PCLO: variants seen among roughly 807,000 people sequenced by gnomAD.
The protein encoded by PCLO is protein piccolo.
Under a neutral mutation model 427.5 loss-of-function variants are expected in PCLO, and 82 were observed. That is an observed-to-expected ratio of 0.19 (90% CI 0.16 to 0.23). PCLO has a LOEUF of 0.23. Among genes scored for constraint, PCLO ranks in the 10% least tolerant of loss-of-function variants. PCLO has a pLI of 1.00. For missense variants in PCLO, 6,239 were observed against 6,115.9 expected, an observed-to-expected ratio of 1.02 and a Z score of -0.67; for synonymous variants, 2,357 against 2,155.4, an observed-to-expected ratio of 1.09 and a Z score of -2.59.
intron 3 of PCLO, among the ~76,000 whole-genome samples, chr7:83,097,174 A>ATTATATC (rs1409993862): frequency 1.6e-5 from 1 of 62,814 alleles, no homozygotes; most frequent in Non-Finnish European, 3.2e-5. Context: ...ATAAATATAT[A>ATTATATC]TTATATATTA....
In PCLO at chr7:82,950,591, C is replaced by G; in HGVS notation, c.9997G>C (p.Glu3333Gln). ...TACTGACCTTCCAAAATTGCCTGCT[C>G]TGTAGTGGTTTGTGGAGAAGCAGTT... ...SGTASPQTTT[E>Q]QAILEGQYAA... is the part of the protein sequence containing the mutation. The change falls in exon 6 of 25, where the codon GAG (glutamate) becomes CAG (glutamine). Residue 3333 changes from glutamate (E) to glutamine (Q), a missense_variant. Glu to Gln is a conservative substitution (Grantham distance 29). Around this residue, in one of 5 missense-constraint regions of PCLO, gnomAD observed 4,677 missense variants for 4,468.4 expected, o/e 1.05. Transcript: ENST00000333891. 1 of 1,613,820 alleles carries G rather than the reference C, an allele frequency of 6.2e-7. No individual in the cohort carries two copies. The highest frequency in any genetic ancestry group is 8.5e-7 in the Non-Finnish European group (1 of 1,179,842).
chr7:83,060,121 G>A (rs1279866698), intron 3 of PCLO, among the ~76,000 whole-genome samples: 1 of 152,180 alleles, frequency 6.6e-6, no homozygotes, highest in Non-Finnish European at 1.5e-5. Context: ...CCAGACTGCA[G>A]AGACAGCAGG....
chr7:82,929,619 G>T (rs184952819), intron 6 of PCLO, among the ~76,000 whole-genome samples: 1 of 152,132 alleles, frequency 6.6e-6, no homozygotes, highest in Admixed American at 6.5e-5. Context: ...ACTATGAGAA[G>T]AAATTAAATA....
chr7:82,899,311 G>T (rs534660960), intron 9 of PCLO, among the ~76,000 whole-genome samples: 1 of 151,542 alleles, frequency 6.6e-6, no homozygotes, highest in African/African-American at 2.4e-5. Context: ...AGCCAGGAGT[G>T]TAAATATTCT....
At position 82,953,745 on chromosome 7, in the gene PCLO, G is replaced by A; in HGVS notation, c.7208C>T (p.Ala2403Val). The change falls in exon 5 of 25, where the codon GCT becomes GTT. Residue 2403 changes from alanine (A) to valine (V), a missense_variant. By Grantham distance (64) the Ala-to-Val change is moderately conservative. Around this residue, in one of 5 missense-constraint regions of PCLO, gnomAD observed 4,677 missense variants for 4,468.4 expected, o/e 1.05. Coordinates refer to ENST00000333891, the MANE Select transcript of PCLO (RefSeq NM_033026.6). ...AGGGGGAGGAGGGGGAGGAGGTTGAGCTGATATATCCAAAGAAGAACTTCT... is the reference window on the plus strand; with the variant it reads ...AGGGGGAGGAGGGGGAGGAGGTTGAACTGATATATCCAAAGAAGAACTTCT... ...FFRSSSLDIS[A>V]QPPPPPPPPP... is the part of the protein sequence containing the mutation. 1 of 1,541,304 alleles carries A rather than the reference G, an allele frequency of 6.5e-7. No individual in the cohort carries two copies. Among genetic ancestry groups the A allele is most frequent in the Non-Finnish European group, 8.8e-7 (1 of 1,140,130 alleles).
Position 82,955,397 on chromosome 7 carries a change from A to G in PCLO, c.5556T>C (p.His1852=), listed in dbSNP as rs770911688. 4.3e-6 allele frequency: 7 copies of G among 1,613,884 alleles called. No individual in the cohort carries two copies. Among genetic ancestry groups the G allele is most frequent in the Non-Finnish European group, 5.9e-6 (7 of 1,179,838 alleles). ...LRQAAEMEEL[H]RSSCSEYSPS... is the part of the protein sequence containing the mutation. ...GTGAATATTCAGAACAAGAAGATCT[A>G]TGGAGCTCCTCCATTTCTGCAGCCT... Residue 1852 remains histidine (H), a synonymous_variant, in exon 5 of 25, where the codon CAT becomes CAC. Transcript: ENST00000333891.
At position 82,805,750 on chromosome 7, in the gene PCLO, G is replaced by A. The variant is rs117776963; in HGVS notation, c.14871C>T (p.Ser4957=). 3.9e-3 allele frequency: 6,318 copies of A among 1,612,210 alleles called. 23 individuals are homozygous for A. Among genetic ancestry groups the A allele is most frequent in the Non-Finnish European group, 5.0e-3 (5,863 of 1,179,114 alleles). ...TGCTGCTGCTTCCTTCACTGTCCACGCTATACCCACTGCCAAAGCTGCTGC... is the reference window on the plus strand; with the variant it reads ...TGCTGCTGCTTCCTTCACTGTCCACACTATACCCACTGCCAAAGCTGCTGC... ...SSGSSFGSGY[S]VDSEGSSSTA... is the part of the protein sequence containing the mutation. Residue 4957 remains serine (S), a synonymous_variant, in exon 21 of 25, where the codon AGC becomes AGT. Coordinates refer to ENST00000333891, the MANE Select transcript of PCLO (RefSeq NM_033026.6).
At chr7:83,000,458 C>T (rs571006557) in intron 3 of PCLO, among the ~76,000 whole-genome samples, 2 of 152,086 alleles carry the variant, frequency 1.3e-5, no homozygotes, top group East Asian at 1.9e-4. Context: ...GACCAGATGT[C>T]CCCTAACTTT....
At chr7:82,900,298 A>G (rs1794006698) in intron 9 of PCLO, among the ~76,000 whole-genome samples, 1 of 151,672 alleles carries the variant, frequency 6.6e-6, no homozygotes, top group Non-Finnish European at 1.5e-5. Flanking sequence ...AACAATAGCA[A>G]TTACACTAAA....
rs929960514 is a variant in PCLO, at chr7:83,162,863, C to T, written c.-271G>A. 2.0e-6 allele frequency: 1 copy of T among 496,164 alleles called. No individual in the cohort carries two copies. The highest frequency in any genetic ancestry group is 2.1e-5 in the African/African-American group (1 of 48,462). The allele number at this position is 496,164 out of a possible 1,614,324, so 30.7% of individuals were successfully genotyped here. ...CCTCCCGGACGCCGCCTCGGCGCCC[C>T]GAGCCGGGGAGAAGCAGATCTGAGC... is the stretch of plus-strand genomic sequence containing the variant. On this transcript the variant is annotated 5_prime_UTR_variant, in exon 1 of 25. Coordinates refer to ENST00000333891, the MANE Select transcript of PCLO (RefSeq NM_033026.6).
At chr7:83,089,789 T>C (rs1178135459) in intron 3 of PCLO, among the ~76,000 whole-genome samples, 1 of 152,148 alleles carries the variant, frequency 6.6e-6, no homozygotes, top group East Asian at 1.9e-4. Flanking sequence ...GGTTCCAGGG[T>C]ACTACATCAT....
intron 3 of PCLO, among the ~76,000 whole-genome samples, chr7:83,123,190 A>T (rs1417088586): frequency 6.6e-6 from 1 of 152,198 alleles, no homozygotes; most frequent in Non-Finnish European, 1.5e-5. Context: ...AAAGGAATAA[A>T]ACTGGAAGAC....
At chr7:82,959,117 A>C (rs192467426) in intron 4 of PCLO, among the ~76,000 whole-genome samples, 1 of 152,304 alleles carries the variant, frequency 6.6e-6, no homozygotes, top group Admixed American at 6.5e-5. Context: ...CCCAGGCTGA[A>C]GTGCAGTGGC....
Position 83,155,547 on chromosome 7 carries a change from G to T in PCLO, c.1094C>A (p.Pro365His), listed in dbSNP as rs369615127. The T allele has an allele frequency of 3.7e-6, 6 of 1,612,430 alleles. No individual in the cohort carries two copies. Among genetic ancestry groups the T allele is most frequent in the Non-Finnish European group, 5.1e-6 (6 of 1,179,094 alleles). Residue 365 changes from proline to histidine, a missense_variant, in exon 2 of 25, where the codon CCT becomes CAT. By Grantham distance (77) the Pro-to-His change is moderately conservative. Transcript: ENST00000333891. ...PPGTTKPPAQPLGPAKPPAQQ... is the reference protein window; with the variant it reads ...PPGTTKPPAQHLGPAKPPAQQ... ...AGCTGGAGGCTTAGCAGGACCAAGAGGCTGAGCTGGAGGCTTTGTTGTCCC... is the reference window on the plus strand; with the variant it reads ...AGCTGGAGGCTTAGCAGGACCAAGATGCTGAGCTGGAGGCTTTGTTGTCCC...
chr7:83,038,037 ATTTATATATATATCTTTATATATATATT>A lies in PCLO; in HGVS notation c.3301-71578_3301-71551del, dbSNP rs1282515547. Among the ~76,000 whole-genome samples, 11 of 33,830 alleles carry A rather than the reference ATTTATATATATATCTTTATATATATATT, an allele frequency of 3.3e-4. 1 individual carries two copies. Among genetic ancestry groups the A allele is most frequent in the African/African-American group, 1.5e-3 (11 of 7,572 alleles). 22.2% of individuals were successfully genotyped at this position (33,830 alleles called of 152,430 possible). On this transcript the variant is annotated intron_variant, in intron 3 of 24. Coordinates refer to ENST00000333891, the MANE Select transcript of PCLO (RefSeq NM_033026.6). ...TATATATATATATATATATTTATAT[ATTTATATATATATCTTTATATATATATT>A]TATATATTTATATATATATCTTTAT...
At chr7:82,790,641 TTGTC>T (rs1791081681) in intron 22 of PCLO, among the ~76,000 whole-genome samples, 1 of 152,342 alleles carries the variant, frequency 6.6e-6, no homozygotes, top group African/African-American at 2.4e-5. Flanking sequence ...ATGAACATGT[TTGTC>T]TGTCCTACTA....
chr7:82,972,788 C>T (rs1232310408), intron 3 of PCLO, among the ~76,000 whole-genome samples: 5 of 151,848 alleles, frequency 3.3e-5, no homozygotes, highest in African/African-American at 9.7e-5. Flanking sequence ...CACTGGTTTT[C>T]GTTTATCTAT....
chr7:82,988,780 G>A (rs565188065), intron 3 of PCLO, among the ~76,000 whole-genome samples: 1 of 151,252 alleles, frequency 6.6e-6, no homozygotes, highest in East Asian at 1.9e-4. Context: ...TTTCTTTTCA[G>A]AACATTTACT....
intron 3 of PCLO, among the ~76,000 whole-genome samples, chr7:83,123,858 G>C (rs73180544): frequency 0.05 from 7,459 of 148,544 alleles, 241 homozygotes; most frequent in African/African-American, 0.092. Flanking sequence ...TTTGGAGTCC[G>C]AGGCCAGTGG....
Sources: allele counts gnomAD v4.1 joint callset (sites outside exome capture counted in the v4.1 genomes callset), GRCh38; gene constraint gnomAD v4.1.1; regional missense constraint gnomAD v4.1.1; transcripts MANE v1.5; gene names NCBI Gene and HGNC (gene_info 2026-07-23, HGNC 2026-07-21).